LINGO2: variants seen among roughly 807,000 people sequenced by gnomAD.
LINGO2 encodes the protein leucine-rich repeat and immunoglobulin-like domain-containing nogo receptor-interacting protein 2.
A neutral mutation model predicts 30.6 loss-of-function variants in LINGO2; 14 were observed. The ratio of observed to expected loss-of-function variants is 0.46; its 90% CI spans 0.30 to 0.72. LINGO2 has a LOEUF of 0.72. LINGO2 is among the 30% of genes least tolerant of loss of function. The pLI is 0.07. For synonymous variants in LINGO2, 317 were observed against 288.5 expected, an observed-to-expected ratio of 1.10 and a Z score of -1.00; for missense variants, 729 against 751.7, an observed-to-expected ratio of 0.97 and a Z score of 0.35.
the LINGO2 span, among the ~76,000 whole-genome samples, chr9:28,852,825 A>G: frequency 6.6e-6 from 1 of 152,100 alleles, no homozygotes; most frequent in African/African-American, 2.4e-5. Context: ...TCCTATAAAA[A>G]TAATCTCAAA....
At chr9:28,100,211 T>A (rs998956812) in intron 4 of LINGO2, among the ~76,000 whole-genome samples, 1 of 152,142 alleles carries the variant, frequency 6.6e-6, no homozygotes, top group Non-Finnish European at 1.5e-5. Context: ...AAATCATGAA[T>A]AAAATCAATA....
At chr9:28,705,466 T>C in the LINGO2 span, among the ~76,000 whole-genome samples, 12 of 152,174 alleles carry the variant, frequency 7.9e-5, no homozygotes, top group African/African-American at 2.9e-4. Context: ...GAATCAGGTA[T>C]TTTTCTTCTC....
At chr9:28,607,196 A>T (rs1825731028) in intron 1 of LINGO2, among the ~76,000 whole-genome samples, 1 of 152,038 alleles carries the variant, frequency 6.6e-6, no homozygotes, top group African/African-American at 2.4e-5. Flanking sequence ...AAAGCAAGTC[A>T]ATTATTAAAC....
At chr9:28,755,923 T>C in the LINGO2 span, among the ~76,000 whole-genome samples, 1 of 152,084 alleles carries the variant, frequency 6.6e-6, no homozygotes, top group Non-Finnish European at 1.5e-5. Context: ...AATACGGCTT[T>C]GAAATGTCTT....
chr9:28,104,706 C>T (rs1249059816), intron 4 of LINGO2, among the ~76,000 whole-genome samples: 1 of 152,066 alleles, frequency 6.6e-6, no homozygotes, highest in Non-Finnish European at 1.5e-5. Context: ...CACATTTCTT[C>T]TCAAATTTGC....
chr9:29,188,054 T>G, the LINGO2 span, among the ~76,000 whole-genome samples: 1 of 130,218 alleles, frequency 7.7e-6, no homozygotes, highest in Non-Finnish European at 1.6e-5. Flanking sequence ...CATTCTTGGG[T>G]GTTTCTCGCA....
At chr9:28,605,805 T>C (rs1825671600) in intron 1 of LINGO2, among the ~76,000 whole-genome samples, 1 of 152,004 alleles carries the variant, frequency 6.6e-6, no homozygotes, top group African/African-American at 2.4e-5. Context: ...CACAGCCACA[T>C]CCACTCATTT....
chr9:28,852,535 G>A, the LINGO2 span, among the ~76,000 whole-genome samples: 1 of 152,070 alleles, frequency 6.6e-6, no homozygotes, highest in East Asian at 1.9e-4. Flanking sequence ...CTGCCCAGGG[G>A]AAGGCACTGT....
intron 4 of LINGO2, among the ~76,000 whole-genome samples, chr9:28,108,475 C>T (rs1826665176): frequency 6.6e-6 from 1 of 152,096 alleles, no homozygotes; most frequent in African/African-American, 2.4e-5. Context: ...CTTTTATACT[C>T]ACTCCATGGC....
At chr9:28,583,102 G>C (rs1053332010) in intron 1 of LINGO2, among the ~76,000 whole-genome samples, 4 of 152,098 alleles carry the variant, frequency 2.6e-5, no homozygotes, top group Middle Eastern at 3.4e-3. Flanking sequence ...ATGCTGAAAA[G>C]ATGAAATAGC....
chr9:28,925,147 T>C, the LINGO2 span, among the ~76,000 whole-genome samples: 1 of 152,246 alleles, frequency 6.6e-6, no homozygotes, highest in African/African-American at 2.4e-5. Context: ...TATATACAAT[T>C]GTTATTGGTT....
chr9:28,832,355 C>T, the LINGO2 span, among the ~76,000 whole-genome samples: 4 of 152,166 alleles, frequency 2.6e-5, no homozygotes, highest in Admixed American at 2.6e-4. Flanking sequence ...ACAAATACCT[C>T]ATACCACGTG....
the LINGO2 span, among the ~76,000 whole-genome samples, chr9:28,897,321 A>T: frequency 6.2e-3 from 946 of 152,244 alleles, 9 homozygotes; most frequent in African/African-American, 0.022. Flanking sequence ...TGACAGAGAC[A>T]ATCCTAAGTT....
chr9:27,997,857 T>C (rs974309098), intron 5 of LINGO2, among the ~76,000 whole-genome samples: 2 of 151,644 alleles, frequency 1.3e-5, no homozygotes, highest in East Asian at 1.9e-4. Context: ...TCCCAAGTCA[T>C]GTTCAGTGGA....
At chr9:28,207,535 TCA>T (rs1271081325) in intron 4 of LINGO2, among the ~76,000 whole-genome samples, 1 of 152,130 alleles carries the variant, frequency 6.6e-6, no homozygotes, top group Non-Finnish European at 1.5e-5. Context: ...AATAAATTCC[TCA>T]CAGAGAGTAA....
intron 4 of LINGO2, among the ~76,000 whole-genome samples, chr9:28,125,715 CCTT>C (rs1827217861): frequency 6.6e-6 from 1 of 152,134 alleles, no homozygotes; most frequent in African/African-American, 2.4e-5. Context: ...AATTGAGTGA[CCTT>C]CTTTTCTGTG....
the LINGO2 span, among the ~76,000 whole-genome samples, chr9:28,840,212 G>A: frequency 6.6e-6 from 1 of 151,772 alleles, no homozygotes; most frequent in East Asian, 1.9e-4. Context: ...AGGACGGTGG[G>A]TCTCCCACCC....
chr9:28,085,748 G>C (rs1237001577), intron 4 of LINGO2, among the ~76,000 whole-genome samples: 1 of 152,046 alleles, frequency 6.6e-6, no homozygotes, highest in Admixed American at 6.6e-5. Flanking sequence ...ACCCATCTGA[G>C]ACAGATAAAA....
At chr9:28,724,954 A>G in the LINGO2 span, among the ~76,000 whole-genome samples, 3 of 152,122 alleles carry the variant, frequency 2.0e-5, no homozygotes, top group Admixed American at 1.3e-4. Context: ...ACCTTACAGT[A>G]TTTTGGTCAA....
Sources: gnomAD v4.1 joint callset for allele counts (sites outside exome capture counted in the v4.1 genomes callset) on GRCh38, gnomAD v4.1.1 for gene constraint, MANE v1.5 for transcripts, NCBI Gene and HGNC (gene_info 2026-07-23, HGNC 2026-07-21) for gene names.